The following MOSMO variants were observed in gnomAD, a reference collection of about 807,000 sequenced individuals.
MOSMO encodes modulator of smoothened protein.
MOSMO carries 5 observed loss-of-function variants against 18.4 expected under a neutral mutation model. That is an observed-to-expected ratio of 0.27 (90% CI 0.14 to 0.57). The LOEUF (loss-of-function observed/expected upper bound fraction) is 0.57. Among genes scored for constraint, MOSMO ranks in the 20% least tolerant of loss-of-function variants. MOSMO has a pLI of 0.92. For synonymous variants in MOSMO, 82 were observed against 82.3 expected, an observed-to-expected ratio of 1.00 and a Z score of 0.02; for missense variants, 138 against 211.8, an observed-to-expected ratio of 0.65 and a Z score of 2.16.
chr16:22,089,332 G>T (rs762943897), downstream of MOSMO, among the ~76,000 whole-genome samples: 1 of 152,144 alleles, frequency 6.6e-6, no homozygotes, highest in Non-Finnish European at 1.5e-5. Context: ...CCTCCAAAGT[G>T]CTGGGATTAC....
At chr16:22,039,937 G>A (rs942946047) in intron 1 of MOSMO, among the ~76,000 whole-genome samples, 7 of 152,116 alleles carry the variant, frequency 4.6e-5, no homozygotes, top group Admixed American at 1.3e-4. Flanking sequence ...TAGAATATAT[G>A]CTTCATGAGA....
intron 1 of MOSMO, among the ~76,000 whole-genome samples, chr16:22,020,586 C>T (rs1488586967): frequency 1.3e-5 from 2 of 152,058 alleles, no homozygotes; most frequent in Non-Finnish European, 2.9e-5. Context: ...TGAGCCACCG[C>T]GCCCAGCCCT....
At chr16:22,026,929 A>C (rs1474698888) in intron 1 of MOSMO, among the ~76,000 whole-genome samples, 2 of 152,038 alleles carry the variant, frequency 1.3e-5, no homozygotes, top group East Asian at 3.9e-4. Flanking sequence ...TTTTTTTTAA[A>C]TTACAGTGTT....
intron 1 of MOSMO, among the ~76,000 whole-genome samples, chr16:22,016,183 TC>T (rs772766826): frequency 6.6e-6 from 1 of 152,196 alleles, no homozygotes; most frequent in Non-Finnish European, 1.5e-5. Flanking sequence ...ATTCTTGGAT[TC>T]CTTTTTTATT....
chr16:22,048,838 T>A (rs578051438), intron 1 of MOSMO, among the ~76,000 whole-genome samples: 2 of 152,274 alleles, frequency 1.3e-5, no homozygotes, highest in Non-Finnish European at 2.9e-5. Context: ...CTCTTTTTTA[T>A]GTTTAGCTTT....
intron 1 of MOSMO, among the ~76,000 whole-genome samples, chr16:22,035,609 G>C (rs952444855): frequency 6.6e-6 from 1 of 151,974 alleles, no homozygotes; most frequent in Non-Finnish European, 1.5e-5. Flanking sequence ...TGAGGTTTCC[G>C]CACCTATAAC....
chr16:22,072,687 C>G (rs1900880756), intron 1 of MOSMO, among the ~76,000 whole-genome samples: 1 of 152,050 alleles, frequency 6.6e-6, no homozygotes, highest in South Asian at 2.1e-4. Flanking sequence ...TCGTGGGCGC[C>G]TGTCGTCCCA....
intron 1 of MOSMO, among the ~76,000 whole-genome samples, chr16:22,045,989 T>G (rs1900301494): frequency 6.6e-6 from 1 of 151,996 alleles, no homozygotes. Flanking sequence ...AACTCGTCAT[T>G]TAACATTAGG....
intron 1 of MOSMO, among the ~76,000 whole-genome samples, chr16:22,034,752 T>G (rs1421191003): frequency 2.2e-5 from 3 of 138,936 alleles, no homozygotes; most frequent in Admixed American, 7.1e-5. Context: ...GGGTTTTTTT[T>G]TTTTTTTTTT....
At chr16:22,016,845 C>T (rs917933048) in intron 1 of MOSMO, among the ~76,000 whole-genome samples, 6 of 152,144 alleles carry the variant, frequency 3.9e-5, no homozygotes, top group African/African-American at 1.2e-4. Context: ...CTTTGTTCTC[C>T]TGTGGGTTAA....
chr16:22,044,909 C>T (rs1900277592), intron 1 of MOSMO, among the ~76,000 whole-genome samples: 1 of 151,928 alleles, frequency 6.6e-6, no homozygotes, highest in African/African-American at 2.4e-5. Flanking sequence ...GAAGCGGTGG[C>T]TCACACATGT....
At chr16:22,035,730 T>G (rs533731011) in intron 1 of MOSMO, among the ~76,000 whole-genome samples, 21 of 152,334 alleles carry the variant, frequency 1.4e-4, no homozygotes, top group Non-Finnish European at 2.4e-4. Context: ...ACTGATTTTG[T>G]TCAGCATTTT....
At chr16:22,042,768 C>T (rs866726372) in intron 1 of MOSMO, among the ~76,000 whole-genome samples, 2 of 152,166 alleles carry the variant, frequency 1.3e-5, no homozygotes, top group African/African-American at 4.8e-5. Context: ...CTCGCAAAAA[C>T]GGGAGTCCGT....
chr16:22,058,733 G>T (rs780392873), intron 1 of MOSMO, among the ~76,000 whole-genome samples: 1 of 152,186 alleles, frequency 6.6e-6, no homozygotes, highest in South Asian at 2.1e-4. Context: ...GTTCGTTTTC[G>T]TATTTGTTGA....
intron 1 of MOSMO, among the ~76,000 whole-genome samples, chr16:22,064,778 C>G (rs2141764803): frequency 6.6e-6 from 1 of 152,130 alleles, no homozygotes; most frequent in African/African-American, 2.4e-5. Flanking sequence ...TTTATCTACA[C>G]TTAGATAAGA....
intron 1 of MOSMO, among the ~76,000 whole-genome samples, chr16:22,038,210 A>G (rs918507215): frequency 5.3e-5 from 8 of 152,238 alleles, no homozygotes; most frequent in Non-Finnish European, 1.2e-4. Flanking sequence ...TGAAAAGTAC[A>G]TTAGTCTTAA....
At chr16:22,069,549 G>A (rs1173102262) in intron 1 of MOSMO, among the ~76,000 whole-genome samples, 1 of 152,194 alleles carries the variant, frequency 6.6e-6, no homozygotes, top group East Asian at 1.9e-4. Context: ...TATGGAGGGA[G>A]TTACCAAAAC....
chr16:22,021,952 G>A (rs1187687780), intron 1 of MOSMO, among the ~76,000 whole-genome samples: 1 of 152,080 alleles, frequency 6.6e-6, no homozygotes, highest in Non-Finnish European at 1.5e-5. Context: ...ACCTTGAAGG[G>A]TGGTTGTAAG....
intron 1 of MOSMO, among the ~76,000 whole-genome samples, chr16:22,066,319 G>A (rs1900747045): frequency 6.6e-6 from 1 of 152,152 alleles, no homozygotes; most frequent in African/African-American, 2.4e-5. Flanking sequence ...GGTTCCTGAG[G>A]TATTGGGGTA....
Sources: allele counts gnomAD v4.1 joint callset (sites outside exome capture counted in the v4.1 genomes callset), GRCh38; gene constraint gnomAD v4.1.1; transcripts MANE v1.5; gene names NCBI Gene and HGNC (gene_info 2026-07-23, HGNC 2026-07-21).